Variants in IGSF10 observed in about 807,000 individuals in gnomAD.
The protein encoded by IGSF10 is immunoglobulin superfamily member 10, also known as calvaria mechanical force protein 608.
In IGSF10, 126 loss-of-function variants were observed where a neutral mutation model predicts 128.2. The ratio of observed to expected loss-of-function variants is 0.98; its 90% CI spans 0.85 to 1.14. The LOEUF (loss-of-function observed/expected upper bound fraction) is 1.14. Ranked by LOEUF, IGSF10 falls within the 50% of genes most tolerant of loss-of-function variation. The pLI is 0.00. For missense variants in IGSF10, 3,295 were observed against 3,149.8 expected (o/e 1.05, Z -1.10); for synonymous variants, 1,185 against 1,146.2 (o/e 1.03, Z -0.68).
At chr3:151,558,006 A>ATATATATATATTATATATAATATATAT in the IGSF10 span, among the ~76,000 whole-genome samples, 47 of 26,652 alleles carry the variant, frequency 1.8e-3, 2 homozygotes, top group African/African-American at 5.8e-3. Flanking sequence ...AGTATATATA[A>ATATATATATATTATATATAATATATAT]TATATATATA....
chr3:151,558,342 G>T, the IGSF10 span, among the ~76,000 whole-genome samples: 1 of 151,820 alleles, frequency 6.6e-6, no homozygotes, highest in East Asian at 1.9e-4. Flanking sequence ...TCACACTCTC[G>T]CTTCAGGTTG....
At chr3:151,458,147 G>A (rs919947072) in intron 3 of IGSF10, among the ~76,000 whole-genome samples, 2 of 151,928 alleles carry the variant, frequency 1.3e-5, no homozygotes, top group Non-Finnish European at 2.9e-5. Flanking sequence ...GTGTGTGTGT[G>A]TATTATATAG....
the IGSF10 span, among the ~76,000 whole-genome samples, chr3:151,497,704 T>G: frequency 3.3e-5 from 5 of 152,204 alleles, no homozygotes; most frequent in Non-Finnish European, 7.3e-5. Context: ...TTTTTTCCAA[T>G]TTTTTGAAGA....
the IGSF10 span, among the ~76,000 whole-genome samples, chr3:151,537,787 C>T: frequency 6.6e-6 from 1 of 152,140 alleles, no homozygotes; most frequent in Non-Finnish European, 1.5e-5. Context: ...ATAAACCTAC[C>T]TTCTTTCCCT....
At chr3:151,432,726 T>C, downstream of IGSF10, 1 of 1,597,068 alleles carries the variant, frequency 6.3e-7, no homozygotes, top group Non-Finnish European at 8.6e-7. Flanking sequence ...GTCTGTAATT[T>C]TGGTTCAATT....
At chr3:151,538,207 C>T in the IGSF10 span, among the ~76,000 whole-genome samples, 3 of 152,162 alleles carry the variant, frequency 2.0e-5, no homozygotes, top group Non-Finnish European at 4.4e-5. Flanking sequence ...TTAGAGGTTT[C>T]TTAGAATTGT....
chr3:151,438,885 C>T (rs1720658898), intron 7 of IGSF10, among the ~76,000 whole-genome samples: 1 of 151,400 alleles, frequency 6.6e-6, no homozygotes, highest in Non-Finnish European at 1.5e-5. Context: ...GAAATGACCA[C>T]GATTAACTAG....
chr3:151,437,588 C>T lies in IGSF10; in HGVS notation c.6973G>A (p.Val2325Ile), dbSNP rs1216296829. The change falls in exon 8 of 8, where the codon GTA (valine) becomes ATA (isoleucine). Residue 2325 changes from valine to isoleucine, a missense_variant. Transcript: ENST00000282466. ...ARNEGGESVLVVQLEVLEMLR... is the reference protein window; with the variant it reads ...ARNEGGESVLIVQLEVLEMLR... ...ATTTCCAGTACTTCTAACTGTACTA[C>T]CAACACGCTCTCTCCACCTTCATTT... is the stretch of plus-strand genomic sequence containing the variant. 6.2e-7 allele frequency: 1 copy of T among 1,614,176 alleles called. No individual in the cohort carries two copies. Among genetic ancestry groups the T allele is most frequent in the Non-Finnish European group, 8.5e-7 (1 of 1,180,040 alleles).
the IGSF10 span, among the ~76,000 whole-genome samples, chr3:151,617,326 TCCTCCTCCC>T: frequency 4.3e-5 from 6 of 139,000 alleles, no homozygotes; most frequent in African/African-American, 1.6e-4. Flanking sequence ...CTTCCCCTCC[TCCTCCTCCC>T]CCTCCTCCTC....
At position 151,437,921 on chromosome 3, in the gene IGSF10, C is replaced by CACAT. The variant is rs756144029; in HGVS notation, c.6636_6639dup (p.Val2214MetfsTer10). 4.2e-5 allele frequency: 67 copies of CACAT among 1,614,024 alleles called. No homozygotes were observed. The highest frequency in any genetic ancestry group is 5.6e-5 in the Non-Finnish European group (66 of 1,179,992). On this transcript the variant is annotated frameshift_variant, in exon 8 of 8. Transcript: ENST00000282466. LOFTEE classifies it low-confidence loss of function (END_TRUNC). Reference sequence around the variant, plus strand: ...TCATCCCCACTGGGATTTCGGGCTACACATACGTACTCTCCAGAATCGAGC... The same window carrying CACAT: ...TCATCCCCACTGGGATTTCGGGCTACACATACATACGTACTCTCCAGAATCGAGC...
chr3:151,579,086 A>G, the IGSF10 span, among the ~76,000 whole-genome samples: 211 of 152,316 alleles, frequency 1.4e-3, no homozygotes, highest in African/African-American at 4.9e-3. Context: ...AAAGAACATT[A>G]AAAACATTCT....
the IGSF10 span, among the ~76,000 whole-genome samples, chr3:151,524,766 A>C: frequency 6.6e-6 from 1 of 152,128 alleles, no homozygotes; most frequent in Non-Finnish European, 1.5e-5. Flanking sequence ...TGTACCCTTG[A>C]ACCGAAAAAG....
In IGSF10 at chr3:151,437,451, G is replaced by GATT; in HGVS notation, c.7107_7109dup (p.Ile2370dup). The stretch of plus-strand genomic sequence containing the variant: ...ATCGTGTGCCATTTGGTAAAATCCA[G>GATT]ATTATTTCAGGTGGTGGGTTACCAT... On this transcript the variant is annotated inframe_insertion, in exon 8 of 8. Transcript: ENST00000282466. 1 of 1,614,172 alleles carries GATT rather than the reference G, an allele frequency of 6.2e-7. No individual in the cohort carries two copies. Among genetic ancestry groups the GATT allele is most frequent in the East Asian group, 2.2e-5 (1 of 44,882 alleles).
the IGSF10 span, among the ~76,000 whole-genome samples, chr3:151,516,589 C>G: frequency 6.6e-6 from 1 of 152,030 alleles, no homozygotes; most frequent in African/African-American, 2.4e-5. Context: ...CTCCTCTTAA[C>G]CTACATCATG....
the IGSF10 span, among the ~76,000 whole-genome samples, chr3:151,485,772 G>A: frequency 6.6e-6 from 1 of 152,118 alleles, no homozygotes; most frequent in South Asian, 2.1e-4. Flanking sequence ...GTCACCATCA[G>A]GCCTGCCTTA....
At chr3:151,510,675 G>A in the IGSF10 span, among the ~76,000 whole-genome samples, 1 of 152,180 alleles carries the variant, frequency 6.6e-6, no homozygotes, top group Non-Finnish European at 1.5e-5. Flanking sequence ...TGAGCTAAAG[G>A]AGGAAGTGTG....
the IGSF10 span, among the ~76,000 whole-genome samples, chr3:151,480,829 G>T: frequency 6.6e-6 from 1 of 151,990 alleles, no homozygotes; most frequent in Non-Finnish European, 1.5e-5. Context: ...CCAGAGGCTT[G>T]AACTACCAGA....
chr3:151,584,937 A>G, the IGSF10 span, among the ~76,000 whole-genome samples: 1 of 152,226 alleles, frequency 6.6e-6, no homozygotes, highest in East Asian at 1.9e-4. Context: ...GTCTGTGTTC[A>G]TTATATCCAG....
rs781406093 is a variant in IGSF10 at position 151,446,147 on chromosome 3, G to C, written c.3834C>G (p.His1278Gln). 1.2e-6 allele frequency: 2 copies of C among 1,614,088 alleles called. No homozygotes were observed. The highest frequency in any genetic ancestry group is 1.1e-5 in the South Asian group (1 of 91,082). Residue 1278 changes from histidine to glutamine, a missense_variant, in exon 6 of 8, where the codon CAC becomes CAG. By Grantham distance (24) the His-to-Gln change is conservative. Transcript: ENST00000282466. Reference sequence around the variant, plus strand: ...TCTTTGTTGGAAGACTTCCAGGATTGTGTGTTTTGGTCGTAGTGTGGTGAG... The same window carrying C: ...TCTTTGTTGGAAGACTTCCAGGATTCTGTGTTTTGGTCGTAGTGTGGTGAG... ...TTAHHTTTKT[H>Q]NPGSLPTKKE... is the part of the protein sequence containing the mutation.
Sources: gnomAD v4.1 joint callset for allele counts (sites outside exome capture counted in the v4.1 genomes callset) on GRCh38, gnomAD v4.1.1 for gene constraint, MANE v1.5 for transcripts, NCBI Gene and HGNC (gene_info 2026-07-23, HGNC 2026-07-21) for gene names.